Variants in MTAP observed in about 807,000 individuals in gnomAD.
MTAP encodes methylthioadenosine phosphorylase, also known as S-methyl-5'-thioadenosine phosphorylase.
In MTAP, 33 loss-of-function variants were observed where a neutral mutation model predicts 33.6. That is an observed-to-expected ratio of 0.98 (90% confidence interval 0.74 to 1.31). MTAP has a LOEUF of 1.31. Ranked by LOEUF, MTAP falls within the 40% of genes most tolerant of loss-of-function variation. The probability of loss-of-function intolerance (pLI) is 0.00; values close to 1 mark genes in which losing one functional copy is unlikely to be tolerated. For missense variants in MTAP, 367 were observed against 360.0 expected (o/e 1.02, Z -0.16); for synonymous variants, 148 against 125.7 (o/e 1.18, Z -1.19).
chr9:21,829,648 A>T (rs1216437856), intron 4 of MTAP, among the ~76,000 whole-genome samples: 1 of 151,846 alleles, frequency 6.6e-6, no homozygotes, highest in East Asian at 1.9e-4. Context: ...AAAAATCCTC[A>T]TCCTAAAGTG....
At chr9:21,890,153 C>A (rs949562230) in intron 1 of MTAP, among the ~76,000 whole-genome samples, 1 of 151,928 alleles carries the variant, frequency 6.6e-6, no homozygotes, top group Non-Finnish European at 1.5e-5. Flanking sequence ...GTTCTTAAGC[C>A]GATGGAGTTA....
rs1297829682 is a variant in MTAP at position 21,818,035 on chromosome 9, G to A, written c.180G>A (p.Arg60=). The change falls in exon 4 of 8, where the codon AGG becomes AGA. Residue 60 remains arginine, a splice_region_variant and synonymous_variant. Coordinates refer to ENST00000644715, the MANE Select transcript of MTAP (RefSeq NM_002451.4). ...IKNVDCVLLA[R]HGRQHTIMPS... ...AACAATTTCTTCTCTCCTTCCATAGGCATGGAAGGCAGCACACCATCATGC... is the reference window on the plus strand; with the variant it reads ...AACAATTTCTTCTCTCCTTCCATAGACATGGAAGGCAGCACACCATCATGC... The A allele has an allele frequency of 6.2e-7, 1 of 1,608,430 alleles. No homozygotes were observed. Among genetic ancestry groups the A allele is most frequent in the South Asian group, 1.1e-5 (1 of 89,980 alleles).
intron 1 of MTAP, among the ~76,000 whole-genome samples, chr9:21,926,898 G>A (rs1818878189): frequency 6.6e-6 from 1 of 152,004 alleles, no homozygotes; most frequent in South Asian, 2.1e-4. Context: ...ATGGATACAG[G>A]CCATCCTTAG....
intron 1 of MTAP, among the ~76,000 whole-genome samples, chr9:21,923,866 A>G (rs182270171): frequency 6.6e-6 from 1 of 152,328 alleles, no homozygotes; most frequent in East Asian, 1.9e-4. Context: ...GAGTCACTAT[A>G]AGATCATGGA....
intron 4 of MTAP, among the ~76,000 whole-genome samples, chr9:21,825,900 G>C (rs1364714169): frequency 2.0e-5 from 3 of 152,148 alleles, no homozygotes; most frequent in African/African-American, 7.2e-5. Context: ...TAGTGATGTT[G>C]AGCATTTTTC....
chr9:21,816,566 A>T (rs1309367212), intron 2 of MTAP, 148 bp from the exon 3 acceptor site: 4 of 658,990 alleles, frequency 6.1e-6, no homozygotes, highest in Non-Finnish European at 1.0e-5. Context: ...TGATTAAATG[A>T]TTATATTGAT....
At chr9:21,820,757 G>T (rs902494847) in intron 4 of MTAP, among the ~76,000 whole-genome samples, 2 of 152,304 alleles carry the variant, frequency 1.3e-5, no homozygotes, top group East Asian at 3.9e-4. Flanking sequence ...CTATCCATGA[G>T]CATGGAATGT....
downstream of MTAP, chr9:21,933,814 A>T (rs1188121666): frequency 6.6e-6 from 1 of 152,182 alleles, no homozygotes; most frequent in African/African-American, 2.4e-5. Flanking sequence ...TGTATGTGTA[A>T]TATTTTTCTA....
intron 1 of MTAP, among the ~76,000 whole-genome samples, chr9:21,883,145 G>A (rs1387370169): frequency 1.3e-5 from 2 of 151,536 alleles, no homozygotes; most frequent in African/African-American, 4.8e-5. Context: ...ACAAAAACTG[G>A]TGTCCAGAAT....
At chr9:21,847,073 A>G (rs780997945) in intron 5 of MTAP, among the ~76,000 whole-genome samples, 56 of 152,282 alleles carry the variant, frequency 3.7e-4, no homozygotes, top group Non-Finnish European at 6.0e-4. Context: ...GAATATAAGC[A>G]GGCAGAAAAA....
At chr9:21,832,006 G>A (rs560565157) in intron 4 of MTAP, among the ~76,000 whole-genome samples, 8 of 152,182 alleles carry the variant, frequency 5.3e-5, no homozygotes, top group Admixed American at 6.5e-5. Context: ...TGGCTGTGCC[G>A]TGAAATTCCT....
At chr9:21,912,367 G>A (rs775576507) in intron 1 of MTAP, among the ~76,000 whole-genome samples, 68 of 152,192 alleles carry the variant, frequency 4.5e-4, no homozygotes, top group South Asian at 2.7e-3. Flanking sequence ...GGTGAACATC[G>A]ATGCAAAAAT....
At chr9:21,919,914 G>A (rs1427523768) in intron 1 of MTAP, among the ~76,000 whole-genome samples, 2 of 152,160 alleles carry the variant, frequency 1.3e-5, no homozygotes, top group East Asian at 3.9e-4. Context: ...ACTCTTTGAG[G>A]CTGAAGCAAA....
downstream of MTAP, among the ~76,000 whole-genome samples, chr9:21,870,433 C>A (rs1307183978): frequency 6.6e-6 from 1 of 152,192 alleles, no homozygotes; most frequent in Non-Finnish European, 1.5e-5. Flanking sequence ...CCAGCCAATA[C>A]TATCTTGAAT....
chr9:21,841,383 C>T (rs1825240462), intron 5 of MTAP, among the ~76,000 whole-genome samples: 1 of 152,120 alleles, frequency 6.6e-6, no homozygotes, highest in Admixed American at 6.5e-5. Context: ...AAAGACAACA[C>T]CTAATTTCAC....
intron 1 of MTAP, among the ~76,000 whole-genome samples, chr9:21,927,724 A>T (rs1818892080): frequency 6.6e-6 from 1 of 152,192 alleles, no homozygotes; most frequent in South Asian, 2.1e-4. Flanking sequence ...ACCTCAGTGC[A>T]ACTAGCTGAC....
At chr9:21,809,915 AAAT>A (rs1179346171) in intron 1 of MTAP, among the ~76,000 whole-genome samples, 1 of 152,186 alleles carries the variant, frequency 6.6e-6, no homozygotes, top group East Asian at 1.9e-4. Flanking sequence ...CCTCCTCTAA[AAAT>A]ATCTGGCCAT....
intron 3 of MTAP, among the ~76,000 whole-genome samples, chr9:21,817,712 G>A (rs914401078): frequency 2.0e-5 from 3 of 151,986 alleles, no homozygotes; most frequent in Non-Finnish European, 2.9e-5. Flanking sequence ...GAGCCTAATC[G>A]TGGGAGTGAC....
chr9:21,891,850 GA>G (rs1234452664), intron 1 of MTAP, among the ~76,000 whole-genome samples: 3 of 152,028 alleles, frequency 2.0e-5, no homozygotes, highest in Admixed American at 1.3e-4. Context: ...CAACACAAAA[GA>G]AAAAAATACT....
Sources: gnomAD v4.1 joint callset for allele counts (sites outside exome capture counted in the v4.1 genomes callset) on GRCh38, gnomAD v4.1.1 for gene constraint, MANE v1.5 for transcripts, NCBI Gene and HGNC (gene_info 2026-07-23, HGNC 2026-07-21) for gene names.